The following SNX9 variants were observed in gnomAD, a reference collection of about 807,000 sequenced individuals.
SNX9 encodes the protein sorting nexin 9, also known as sorting nexin-9.
In SNX9, 44 loss-of-function variants were observed where a neutral mutation model predicts 89.4. The ratio of observed to expected loss-of-function variants is 0.49; its 90% CI spans 0.39 to 0.63. The LOEUF (loss-of-function observed/expected upper bound fraction) is 0.63, where lower values mean the gene tolerates loss of function less well. Among genes scored for constraint, SNX9 ranks in the 30% least tolerant of loss-of-function variants. The probability of loss-of-function intolerance (pLI) is 0.00; values close to 1 mark genes in which losing one functional copy is unlikely to be tolerated. For missense variants in SNX9, 578 were observed against 736.1 expected (o/e 0.79, Z 2.49); for synonymous variants, 236 against 247.8 (o/e 0.95, Z 0.45).
intron 17 of SNX9, among the ~76,000 whole-genome samples, chr6:157,941,316 G>A (rs528345108): frequency 3.9e-5 from 6 of 152,206 alleles, no homozygotes; most frequent in East Asian, 1.9e-4. Context: ...TCACCCAGCC[G>A]TCCCTGGGAC....
intron 4 of SNX9, among the ~76,000 whole-genome samples, chr6:157,891,681 C>T (rs1452294781): frequency 6.6e-6 from 1 of 152,168 alleles, no homozygotes; most frequent in Non-Finnish European, 1.5e-5. Flanking sequence ...GTGGGACTGA[C>T]CATCTGATTT....
chr6:157,827,767 C>T (rs537569879), intron 1 of SNX9, among the ~76,000 whole-genome samples: 19 of 150,960 alleles, frequency 1.3e-4, no homozygotes, highest in African/African-American at 4.1e-4. Context: ...GTAATTTCTA[C>T]GTCAAAGTTA....
At chr6:157,878,436 T>TA (rs1334592476) in intron 4 of SNX9, among the ~76,000 whole-genome samples, 1 of 151,908 alleles carries the variant, frequency 6.6e-6, no homozygotes, top group Non-Finnish European at 1.5e-5. Flanking sequence ...CCACCATTTT[T>TA]TTTTTTTTTT....
At chr6:157,882,420 C>T (rs528296893) in intron 4 of SNX9, among the ~76,000 whole-genome samples, 6 of 152,192 alleles carry the variant, frequency 3.9e-5, no homozygotes, top group Non-Finnish European at 7.3e-5. Context: ...TATTCTACAG[C>T]CCTTGGATCG....
At chr6:157,910,059 A>G (rs1003125387) in intron 9 of SNX9, 34 bp downstream of exon 9, 9 of 1,507,568 alleles carry the variant, frequency 6.0e-6, no homozygotes, top group African/African-American at 1.4e-5. Context: ...CAGGATGACA[A>G]ATAGAAAGAC....
At position 157,894,106 on chromosome 6, in the gene SNX9, C is replaced by CTTTTTTTTTTTTTT. The variant is rs746909411; in HGVS notation, c.301-2713_301-2700dup. Among the ~76,000 whole-genome samples the CTTTTTTTTTTTTTT allele has an allele frequency of 1.9e-4, 17 of 89,528 alleles. 1 individual carries two copies. The highest frequency in any genetic ancestry group is 2.8e-4 in the Non-Finnish European group (13 of 45,688). 58.7% of individuals were successfully genotyped at this position (89,528 alleles called of 152,430 possible). ...TTCTTTTTCTTTTCGCTTTTCTTTT[C>CTTTTTTTTTTTTTT]TTTTTTTTTTTTTTTTTTTTTGAGA... On this transcript the variant is annotated intron_variant, in intron 4 of 17. Coordinates refer to ENST00000392185, the MANE Select transcript of SNX9 (RefSeq NM_016224.5).
In SNX9 at chr6:157,897,011, G is replaced by C; in HGVS notation, c.472+13G>C. On this transcript the variant is annotated intron_variant, in intron 5 of 17. Coordinates refer to ENST00000392185, the MANE Select transcript of SNX9 (RefSeq NM_016224.5). ...TACCAAGGACCAGGTGAGGAGAGGG[G>C]TGCAAGGTCCCACCCTGCCCGCCCA... 2 of 1,571,432 alleles carry C rather than the reference G, an allele frequency of 1.3e-6. No individual in the cohort carries two copies. Among genetic ancestry groups the C allele is most frequent in the Non-Finnish European group, 1.7e-6 (2 of 1,164,852 alleles).
At position 157,862,676 on chromosome 6, in the gene SNX9, G is replaced by C. The variant is rs559924380; in HGVS notation, c.13-4871G>C. On this transcript the variant is annotated intron_variant, in intron 1 of 17. Coordinates refer to ENST00000392185, the MANE Select transcript of SNX9 (RefSeq NM_016224.5). Reference sequence around the variant, plus strand: ...CCATATGAACTTTTTTTATTGCCAGGGTTTTGTGAATTTTTTTTCCTTCCT... The same window carrying C: ...CCATATGAACTTTTTTTATTGCCAGCGTTTTGTGAATTTTTTTTCCTTCCT... Among the ~76,000 whole-genome samples, 9 of 151,872 alleles carry C rather than the reference G, an allele frequency of 5.9e-5. No individual in the cohort carries two copies. The East Asian group carries it at 1.5e-3, about 26-fold the overall frequency.
chr6:157,917,878 C>A (rs1396262399), intron 9 of SNX9, among the ~76,000 whole-genome samples: 1 of 152,038 alleles, frequency 6.6e-6, no homozygotes, highest in Non-Finnish European at 1.5e-5. Flanking sequence ...GTGCAGAGAC[C>A]GTGGATACAG....
intron 4 of SNX9, among the ~76,000 whole-genome samples, chr6:157,886,517 G>A (rs1883823): frequency 0.29 from 43,852 of 152,040 alleles, 7,293 homozygotes; most frequent in African/African-American, 0.46. Flanking sequence ...CTCTGTGAAC[G>A]TGGGTATACA....
intron 14 of SNX9, among the ~76,000 whole-genome samples, chr6:157,937,089 T>C (rs1232534258): frequency 6.6e-6 from 1 of 152,250 alleles, no homozygotes; most frequent in Non-Finnish European, 1.5e-5. Context: ...TATTCTCTGC[T>C]CATATTTAGA....
At chr6:157,878,581 C>T (rs1782562996) in intron 4 of SNX9, among the ~76,000 whole-genome samples, 1 of 151,922 alleles carries the variant, frequency 6.6e-6, no homozygotes, top group Admixed American at 6.6e-5. Flanking sequence ...TACAGGTGCC[C>T]GCCACTACGC....
At chr6:157,843,210 G>A (rs1483978533) in intron 1 of SNX9, among the ~76,000 whole-genome samples, 1 of 152,104 alleles carries the variant, frequency 6.6e-6, no homozygotes, top group Non-Finnish European at 1.5e-5. Flanking sequence ...AAGAATTGAC[G>A]AAAATGAAAA....
chr6:157,903,107 A>G (rs184171658), intron 6 of SNX9, among the ~76,000 whole-genome samples: 1 of 152,304 alleles, frequency 6.6e-6, no homozygotes, highest in East Asian at 1.9e-4. Flanking sequence ...AAGGAGATAT[A>G]TTAGTAATTT....
In SNX9 at chr6:157,886,619, C is replaced by T. The variant is rs564454284; in HGVS notation, c.301-10208C>T. On this transcript the variant is annotated intron_variant, in intron 4 of 17. Transcript: ENST00000392185. ...AGAATCAGAAATGTTATTCCTTCCA[C>T]GCTTAGCTGGTTTCATCTAGAAAGC... 3.3e-5 allele frequency among the ~76,000 whole-genome samples: 5 copies of T among 152,326 alleles called. No homozygotes were observed. The East Asian group carries it at 9.6e-4, about 29-fold the overall frequency.
At chr6:157,828,320 A>T (rs1011450235) in intron 1 of SNX9, among the ~76,000 whole-genome samples, 10 of 151,050 alleles carry the variant, frequency 6.6e-5, no homozygotes, top group Non-Finnish European at 1.3e-4. Flanking sequence ...CAGTTTTTCT[A>T]CTGTGCCTTG....
chr6:157,864,656 C>G (rs1782216426), intron 1 of SNX9, among the ~76,000 whole-genome samples: 1 of 152,186 alleles, frequency 6.6e-6, no homozygotes, highest in South Asian at 2.1e-4. Context: ...GGGCTCGCTT[C>G]CTTCCAGCCC....
In SNX9 at chr6:157,850,282, T is replaced by C. The variant is rs541450670; in HGVS notation, c.13-17265T>C. On this transcript the variant is annotated intron_variant, in intron 1 of 17. Coordinates refer to ENST00000392185, the MANE Select transcript of SNX9 (RefSeq NM_016224.5). ...GTCAGTGTGGGCAAGGCTTGACTAGTGCAGGGTGAAGAGTGAGTAGCAGAT... is the reference window on the plus strand; with the variant it reads ...GTCAGTGTGGGCAAGGCTTGACTAGCGCAGGGTGAAGAGTGAGTAGCAGAT... Among the ~76,000 whole-genome samples the C allele has an allele frequency of 6.9e-4, 105 of 152,256 alleles. 1 individual carries two copies. Among genetic ancestry groups the C allele is most frequent in the African/African-American group, 2.3e-3 (94 of 41,552 alleles).
chr6:157,874,968 T>A (rs1342829990), intron 3 of SNX9, 83 bp from the exon 4 acceptor site: 12 of 1,472,202 alleles, frequency 8.2e-6, no homozygotes, highest in Non-Finnish European at 1.1e-5. Flanking sequence ...ATAAACCCTT[T>A]TTGACAATTC....
Sources: allele counts gnomAD v4.1 joint callset (sites outside exome capture counted in the v4.1 genomes callset), GRCh38; gene constraint gnomAD v4.1.1; transcripts MANE v1.5; gene names NCBI Gene and HGNC (gene_info 2026-07-23, HGNC 2026-07-21).